The following NALF1 variants were observed in gnomAD, a reference collection of about 807,000 sequenced individuals.
NALF1 encodes the protein NALCN channel auxiliary factor 1.
A neutral mutation model predicts 48.4 loss-of-function variants in NALF1; 3 were observed. The ratio of observed to expected loss-of-function variants is 0.06; its 90% CI spans 0.03 to 0.16. The LOEUF is 0.16. NALF1 is among the 10% of genes least tolerant of loss of function. The probability of loss-of-function intolerance (pLI) is 1.00; values close to 1 mark genes in which losing one functional copy is unlikely to be tolerated. For missense variants in NALF1, 526 were observed against 571.5 expected (o/e 0.92, Z 0.81); for synonymous variants, 262 against 245.7 (o/e 1.07, Z -0.62).
intron 1 of NALF1, among the ~76,000 whole-genome samples, chr13:107,440,903 G>A (rs984007521): frequency 1.3e-5 from 2 of 152,008 alleles, no homozygotes; most frequent in Non-Finnish European, 2.9e-5. Context: ...GGCAACTTCG[G>A]TATAAATAAA....
intron 1 of NALF1, among the ~76,000 whole-genome samples, chr13:107,608,788 G>T (rs544598675): frequency 6.6e-6 from 1 of 152,334 alleles, no homozygotes; most frequent in South Asian, 2.1e-4. Context: ...TGAAGGAAGA[G>T]GTGAACGGCA....
chr13:107,562,803 T>G lies in NALF1; in HGVS notation c.915+302879A>C, dbSNP rs562358627. ...AACATGAAGGAGTACCATGCAATAA[T>G]CTGATGAAACAGGAGTGAGTGCTAT... On this transcript the variant is annotated intron_variant, in intron 1 of 2. Coordinates refer to ENST00000375915, the MANE Select transcript of NALF1 (RefSeq NM_001080396.3). Among the ~76,000 whole-genome samples the G allele has an allele frequency of 4.9e-4, 75 of 152,332 alleles. 2 individuals carry two copies. The highest frequency in any genetic ancestry group is 1.5e-3 in the African/African-American group (64 of 41,568).
chr13:107,374,822 T>C (rs7991903), intron 1 of NALF1, among the ~76,000 whole-genome samples: 73,143 of 151,902 alleles, frequency 0.48, 18,502 homozygotes, highest in East Asian at 0.75. Flanking sequence ...TCCCATGTTA[T>C]GCTTTCCACC....
chr13:107,504,556 TA>T (rs1034623250), intron 1 of NALF1, among the ~76,000 whole-genome samples: 1 of 152,202 alleles, frequency 6.6e-6, no homozygotes, highest in African/African-American at 2.4e-5. Flanking sequence ...TAAAATTTAT[TA>T]AAAACTCAAT....
intron 1 of NALF1, among the ~76,000 whole-genome samples, chr13:107,386,780 T>C (rs1018301361): frequency 4.6e-5 from 7 of 152,146 alleles, no homozygotes; most frequent in Non-Finnish European, 1.0e-4. Flanking sequence ...CACCTGTACC[T>C]CGAAAAACAC....
intron 1 of NALF1, among the ~76,000 whole-genome samples, chr13:107,352,348 T>C (rs1181980466): frequency 6.6e-6 from 1 of 152,194 alleles, no homozygotes; most frequent in African/African-American, 2.4e-5. Flanking sequence ...GGGGTTCATT[T>C]AGTTAATTGG....
At chr13:107,246,351 A>C (rs1044941898) in intron 1 of NALF1, among the ~76,000 whole-genome samples, 1 of 152,178 alleles carries the variant, frequency 6.6e-6, no homozygotes, top group Non-Finnish European at 1.5e-5. Flanking sequence ...ATATTTAACA[A>C]TCTTTTTTCA....
chr13:107,332,872 G>A (rs758358303), intron 1 of NALF1, among the ~76,000 whole-genome samples: 22 of 152,038 alleles, frequency 1.4e-4, no homozygotes, highest in Non-Finnish European at 2.2e-4. Context: ...TTGAGACAGA[G>A]TATTGCTCTA....
At chr13:107,291,284 GT>G (rs1463286180) in intron 1 of NALF1, among the ~76,000 whole-genome samples, 1 of 151,762 alleles carries the variant, frequency 6.6e-6, no homozygotes, top group Non-Finnish European at 1.5e-5. Context: ...ATGTGTTTAG[GT>G]GCTAAGCATA....
chr13:107,561,501 C>T (rs1248496763), intron 1 of NALF1, among the ~76,000 whole-genome samples: 3 of 152,292 alleles, frequency 2.0e-5, no homozygotes, highest in East Asian at 1.9e-4. Flanking sequence ...AAGGACTCAG[C>T]GTCTGTCTCC....
chr13:107,818,638 C>T (rs1594290254), intron 1 of NALF1, among the ~76,000 whole-genome samples: 1 of 112,288 alleles, frequency 8.9e-6, no homozygotes, highest in Non-Finnish European at 1.8e-5. Flanking sequence ...TTTGGGAGGC[C>T]GAGGCGGGCG....
At chr13:107,566,260 G>A (rs1877806664) in intron 1 of NALF1, among the ~76,000 whole-genome samples, 1 of 152,152 alleles carries the variant, frequency 6.6e-6, no homozygotes, top group African/African-American at 2.4e-5. Context: ...TACATTATTT[G>A]GGAAATAAGG....
At chr13:107,302,429 C>T (rs1031338338) in intron 1 of NALF1, among the ~76,000 whole-genome samples, 2 of 152,134 alleles carry the variant, frequency 1.3e-5, no homozygotes, top group African/African-American at 4.8e-5. Context: ...GTGAGCCCTT[C>T]ATTTCAAAAT....
chr13:107,246,306 T>C (rs776898240), intron 1 of NALF1, among the ~76,000 whole-genome samples: 1 of 152,180 alleles, frequency 6.6e-6, no homozygotes, highest in African/African-American at 2.4e-5. Flanking sequence ...TTTCTTTACA[T>C]TTTATCTCAA....
chr13:107,356,390 C>G (rs1235746790), intron 1 of NALF1, among the ~76,000 whole-genome samples: 1 of 152,070 alleles, frequency 6.6e-6, no homozygotes, highest in African/African-American at 2.4e-5. Context: ...AAACTTAAAT[C>G]TCAAATGAAC....
chr13:107,745,429 T>C (rs1200786074), intron 1 of NALF1, among the ~76,000 whole-genome samples: 1 of 152,218 alleles, frequency 6.6e-6, no homozygotes, highest in East Asian at 1.9e-4. Flanking sequence ...CAAATGTCTT[T>C]AGCAGTTCTA....
At chr13:107,813,037 T>C (rs1879046023) in intron 1 of NALF1, among the ~76,000 whole-genome samples, 1 of 152,146 alleles carries the variant, frequency 6.6e-6, no homozygotes, top group Non-Finnish European at 1.5e-5. Context: ...ATTACAGGTG[T>C]GAGCACCACG....
At chr13:107,444,948 T>C (rs951351478) in intron 1 of NALF1, among the ~76,000 whole-genome samples, 5 of 152,284 alleles carry the variant, frequency 3.3e-5, no homozygotes, top group African/African-American at 4.8e-5. Flanking sequence ...TAATTATAGA[T>C]TTACTGGAAG....
intron 1 of NALF1, among the ~76,000 whole-genome samples, chr13:107,806,348 T>A (rs2138601929): frequency 6.6e-6 from 1 of 152,188 alleles, no homozygotes; most frequent in South Asian, 2.1e-4. Context: ...GACGGAAATG[T>A]TAAAACATTC....
Sources: gnomAD v4.1 joint callset for allele counts (sites outside exome capture counted in the v4.1 genomes callset) on GRCh38, gnomAD v4.1.1 for gene constraint, MANE v1.5 for transcripts, NCBI Gene and HGNC (gene_info 2026-07-23, HGNC 2026-07-21) for gene names.